LAT2: variants seen among roughly 807,000 people sequenced by gnomAD.
The protein encoded by LAT2 is linker for activation of T cells family member 2.
Under a neutral mutation model 43.4 loss-of-function variants are expected in LAT2, and 23 were observed. The ratio of observed to expected loss-of-function variants is 0.53; its 90% CI spans 0.38 to 0.75. The LOEUF is 0.75. LAT2 is among the 30% of genes least tolerant of loss of function. The pLI is 0.00. For missense variants in LAT2, 284 were observed against 310.2 expected (o/e 0.92, Z 0.64); for synonymous variants, 128 against 123.2 (o/e 1.04, Z -0.26).
intron 9 of LAT2, 74 bp from the exon 10 acceptor site, chr7:74,221,563 C>T (rs758827808): frequency 1.6e-5 from 20 of 1,214,132 alleles, no homozygotes; most frequent in Non-Finnish European, 2.0e-5. Flanking sequence ...CTGGCCTCAC[C>T]GCCCCCTTAT....
chr7:74,219,676 C>G, intron 4 of LAT2, 68 bp from the exon 5 acceptor site: 1 of 1,588,178 alleles, frequency 6.3e-7, no homozygotes, highest in Non-Finnish European at 8.6e-7. Flanking sequence ...CTGTCCCTCC[C>G]TCCTGTCCCT....
At chr7:74,213,567 GGC>G (rs1801811573) in intron 1 of LAT2, among the ~76,000 whole-genome samples, 2 of 151,954 alleles carry the variant, frequency 1.3e-5, no homozygotes, top group Non-Finnish European at 2.9e-5. Flanking sequence ...TGGGATCACA[GGC>G]GTGTGCCACC....
chr7:74,220,719 C>G lies in LAT2; in HGVS notation c.317C>G (p.Ser106Trp). ...QNFSKGSRHG[S>W]EEAYIDPIAM... is the part of the protein sequence containing the mutation. ...CCTCCCGCAGGAAGCAGACACGGGT[C>G]GGAGGAAGCCTACATGTGAGTGACC... The change falls in exon 9 of 14, where the codon TCG becomes TGG. Residue 106 changes from serine (S) to tryptophan (W), a missense_variant. By Grantham distance (177) the Ser-to-Trp change is radical. Transcript: ENST00000460943. The surrounding 1 kb of genome is among the most constrained non-coding windows in gnomAD (Gnocchi z 4.5). 2 of 1,604,164 alleles carry G rather than the reference C, an allele frequency of 1.2e-6. No individual in the cohort carries two copies. Among genetic ancestry groups the G allele is most frequent in the Middle Eastern group, 1.7e-4 (1 of 6,018 alleles).
intron 1 of LAT2, among the ~76,000 whole-genome samples, chr7:74,210,806 T>C (rs1295967669): frequency 6.6e-6 from 1 of 151,840 alleles, no homozygotes; most frequent in Non-Finnish European, 1.5e-5. Flanking sequence ...AATAAAAAAA[T>C]ATAATTAAAA....
Position 74,216,823 on chromosome 7 carries a change from A to C in LAT2, c.95-2A>C. ...TTTGCTAATCCTGGCCTTTTCTTGC[A>C]GGTGCAAAGAGGTCAGAGAAAATCT... is the stretch of plus-strand genomic sequence containing the variant. On this transcript the variant is annotated splice_acceptor_variant, in intron 3 of 13. Transcript: ENST00000460943. LOFTEE classifies it high-confidence loss of function. 13 of 1,613,670 alleles carry C rather than the reference A, an allele frequency of 8.1e-6. No individual in the cohort carries two copies. The highest frequency in any genetic ancestry group is 1.1e-5 in the Non-Finnish European group (13 of 1,179,666).
intron 10 of LAT2, 148 bp from the exon 11 acceptor site, chr7:74,223,573 CAGA>C (rs1349356992): frequency 6.2e-5 from 43 of 697,026 alleles, no homozygotes; most frequent in Non-Finnish European, 9.9e-5. Context: ...GAAGCTCATC[CAGA>C]AGAAGGCTTG....
At chr7:74,227,992 A>G (rs797026219) in intron 13 of LAT2, among the ~76,000 whole-genome samples, 5 of 151,120 alleles carry the variant, frequency 3.3e-5, no homozygotes, top group African/African-American at 1.2e-4. Context: ...CCTGGGCAAC[A>G]TGGGGAAACC....
chr7:74,219,888 G>C, intron 5 of LAT2, 72 bp from the exon 6 acceptor site: 3 of 1,611,616 alleles, frequency 1.9e-6, no homozygotes, highest in Non-Finnish European at 2.5e-6. Context: ...GGCCTGATGT[G>C]GGGGGATGAT....
chr7:74,228,750 C>A (rs185309358), intron 13 of LAT2, among the ~76,000 whole-genome samples, 194 bp from the exon 14 acceptor site: 76 of 151,868 alleles, frequency 5.0e-4, no homozygotes, highest in African/African-American at 1.8e-3. Context: ...GATCGCGCCA[C>A]CGCACTCCAG....
intron 4 of LAT2, among the ~76,000 whole-genome samples, chr7:74,217,516 G>A (rs1281104500): frequency 2.0e-5 from 3 of 152,272 alleles, no homozygotes; most frequent in African/African-American, 7.2e-5. Flanking sequence ...AATCCCCAGG[G>A]GCTAGTCCGC....
chr7:74,216,085 G>C lies in LAT2; in HGVS notation c.94+16G>C, dbSNP rs540513831. ...TCACGCCCAGGTAAGCGGGGGTCTC[G>C]GGGACGTGATGGGGAGAAGGTGTGG... On this transcript the variant is annotated intron_variant, in intron 3 of 13. Coordinates refer to ENST00000460943, the MANE Select transcript of LAT2 (RefSeq NM_032464.3). The C allele has an allele frequency of 5.0e-6, 8 of 1,598,628 alleles. No individual in the cohort carries two copies. The East Asian group carries it at 1.1e-4, about 22-fold the overall frequency.
intron 2 of LAT2, among the ~76,000 whole-genome samples, chr7:74,215,428 G>A (rs1802001763): frequency 6.6e-6 from 1 of 152,162 alleles, no homozygotes; most frequent in Admixed American, 6.5e-5. Flanking sequence ...GTGGGCGAGG[G>A]CTTCCGGGTG....
intron 10 of LAT2, among the ~76,000 whole-genome samples, chr7:74,222,505 T>C (rs782367561): frequency 2.0e-5 from 3 of 151,840 alleles, no homozygotes; most frequent in Non-Finnish European, 2.9e-5. Context: ...CTCCATGACC[T>C]GGCTCCTGCC....
chr7:74,221,714 G>A, intron 10 of LAT2, 22 bp downstream of exon 10: 1 of 1,606,834 alleles, frequency 6.2e-7, no homozygotes, highest in Non-Finnish European at 8.5e-7. Flanking sequence ...GACAAAGCCG[G>A]AGGTGGAGGA....
At chr7:74,211,899 C>T (rs2116070842) in intron 1 of LAT2, among the ~76,000 whole-genome samples, 1 of 152,152 alleles carries the variant, frequency 6.6e-6, no homozygotes, top group East Asian at 1.9e-4. Flanking sequence ...GCCAACAGCG[C>T]AGGATGTATT....
chr7:74,214,722 A>AATATAAATATATATAAAAAT (rs1409311961), intron 1 of LAT2, 100 bp from the exon 2 acceptor site: 1 of 104,066 alleles, frequency 9.6e-6, no homozygotes, highest in Non-Finnish European at 1.7e-5. Flanking sequence ...TATATATAAA[A>AATATAAATATATATAAAAAT]ATATAAATAT....
chr7:74,229,625 T>C lies in LAT2; in HGVS notation c.*700T>C, dbSNP rs147642312. On this transcript the variant is annotated 3_prime_UTR_variant, in exon 14 of 14. Transcript: ENST00000460943. ...AATAGTGCATGAGAGTCTAGAGAAGTAGTGACCAGAACAGGGCAGAGTAGG... is the reference window on the plus strand; with the variant it reads ...AATAGTGCATGAGAGTCTAGAGAAGCAGTGACCAGAACAGGGCAGAGTAGG... The C allele has an allele frequency of 9.8e-5, 15 of 152,722 alleles. No homozygotes were observed. Among genetic ancestry groups the C allele is most frequent in the African/African-American group, 2.9e-4 (12 of 41,568 alleles). The allele number at this position is 152,722 out of a possible 1,614,324, so 9.5% of individuals were successfully genotyped here. A position where few individuals can be genotyped will look rare whatever the true frequency, so the allele number is the denominator to read the frequency against.
chr7:74,224,506 C>T, intron 12 of LAT2, 133 bp from the exon 13 acceptor site: 1 of 765,438 alleles, frequency 1.3e-6, no homozygotes, highest in African/African-American at 1.7e-5. Flanking sequence ...GACAGACACA[C>T]ACCGCCAGGA....
At chr7:74,225,527 C>CCA (rs1563977577) in intron 13 of LAT2, 1 of 152,348 alleles carries the variant, frequency 6.6e-6, no homozygotes, top group African/African-American at 2.4e-5. Flanking sequence ...CCACCGCAGG[C>CCA]CAGTGAGATG....
Sources: gnomAD v4.1 joint callset for allele counts (sites outside exome capture counted in the v4.1 genomes callset) on GRCh38, gnomAD v4.1.1 for gene constraint, Gnocchi (gnomAD v3.1) non-coding constraint, MANE v1.5 for transcripts, NCBI Gene and HGNC (gene_info 2026-07-23, HGNC 2026-07-21) for gene names.